The following RAPGEF4 variants were observed in gnomAD, a reference collection of about 807,000 sequenced individuals.
RAPGEF4 encodes RAP guanine-nucleotide-exchange factor (GEF) 4.
In RAPGEF4, 66 loss-of-function variants were observed where a neutral mutation model predicts 147.9. That is an observed-to-expected ratio of 0.45 (90% CI 0.37 to 0.55). The LOEUF (loss-of-function observed/expected upper bound fraction) is 0.55. Among genes scored for constraint, RAPGEF4 ranks in the 20% least tolerant of loss-of-function variants. The pLI, the probability that RAPGEF4 is intolerant of heterozygous loss-of-function variation, is 0.00. For synonymous variants in RAPGEF4, 419 were observed against 442.7 expected, an observed-to-expected ratio of 0.95 and a Z score of 0.67; for missense variants, 1,071 against 1,257.3, an observed-to-expected ratio of 0.85 and a Z score of 2.24.
rs116720978 is a variant in RAPGEF4 at position 172,923,010 on chromosome 2, A to T, written c.537+710A>T. ...GGTTGGCTTTCAGATGTGTCACCTT[A>T]TAATTGTGTCCTTTGATTGCTGTAT... On this transcript the variant is annotated intron_variant, in intron 6 of 30. Coordinates refer to ENST00000397081, the MANE Select transcript of RAPGEF4 (RefSeq NM_007023.4). 2.3e-3 allele frequency among the ~76,000 whole-genome samples: 346 copies of T among 152,324 alleles called. 2 individuals carry two copies. The highest frequency in any genetic ancestry group is 8.2e-3 in the African/African-American group (339 of 41,578).
chr2:172,993,987 A>G (rs972935702), intron 15 of RAPGEF4, among the ~76,000 whole-genome samples: 3 of 152,216 alleles, frequency 2.0e-5, no homozygotes, highest in Admixed American at 6.5e-5. Flanking sequence ...GATCTCTATT[A>G]CTTTTGACCA....
chr2:172,893,711 G>T (rs1344288426), intron 4 of RAPGEF4: 2 of 152,154 alleles, frequency 1.3e-5, no homozygotes. Context: ...AGAAGAAAGG[G>T]CTCCAGGAAT....
intron 6 of RAPGEF4, among the ~76,000 whole-genome samples, chr2:172,936,036 C>G (rs1686525443): frequency 6.6e-6 from 1 of 152,114 alleles, no homozygotes; most frequent in Admixed American, 6.5e-5. Flanking sequence ...ATGGTTATCT[C>G]TTTCTGATCA....
intron 15 of RAPGEF4, among the ~76,000 whole-genome samples, chr2:172,992,562 T>C (rs892715798): frequency 1.3e-5 from 2 of 152,248 alleles, no homozygotes; most frequent in Non-Finnish European, 2.9e-5. Flanking sequence ...CTTCATGTCA[T>C]TGGGGAATGA....
At chr2:172,756,007 C>T (rs906753464) in intron 1 of RAPGEF4, among the ~76,000 whole-genome samples, 12 of 152,168 alleles carry the variant, frequency 7.9e-5, no homozygotes, top group Non-Finnish European at 1.5e-4. Flanking sequence ...CTCGCCAGCA[C>T]TTTGTAGCCA....
At chr2:172,818,485 G>C (rs1319734879) in intron 4 of RAPGEF4, among the ~76,000 whole-genome samples, 1 of 152,158 alleles carries the variant, frequency 6.6e-6, no homozygotes, top group Non-Finnish European at 1.5e-5. Context: ...GTAAAAATTA[G>C]AGACCCTGAA....
At chr2:172,911,073 A>G (rs1336155966) in intron 4 of RAPGEF4, among the ~76,000 whole-genome samples, 7 of 152,154 alleles carry the variant, frequency 4.6e-5, no homozygotes, top group African/African-American at 1.7e-4. Context: ...CACATCCGAA[A>G]TGCACTCTGT....
At chr2:172,813,995 A>G (rs1244187093) in intron 3 of RAPGEF4, among the ~76,000 whole-genome samples, 1 of 152,226 alleles carries the variant, frequency 6.6e-6, no homozygotes, top group Non-Finnish European at 1.5e-5. Flanking sequence ...CTTCTTTTAC[A>G]TGAAGTTCTA....
intron 4 of RAPGEF4, among the ~76,000 whole-genome samples, chr2:172,837,851 A>G (rs770949388): frequency 3.3e-5 from 5 of 152,186 alleles, no homozygotes; most frequent in Non-Finnish European, 5.9e-5. Context: ...GGTGTGAGCC[A>G]CTCTGCCCAG....
At chr2:172,866,277 C>T (rs963224326) in intron 4 of RAPGEF4, among the ~76,000 whole-genome samples, 2 of 152,162 alleles carry the variant, frequency 1.3e-5, no homozygotes, top group African/African-American at 4.8e-5. Flanking sequence ...AAATTCTAAC[C>T]CAGCCACTCC....
At chr2:172,926,163 G>A (rs1347651379) in intron 6 of RAPGEF4, among the ~76,000 whole-genome samples, 1 of 152,144 alleles carries the variant, frequency 6.6e-6, no homozygotes, top group Non-Finnish European at 1.5e-5. Flanking sequence ...GGTTGTGATT[G>A]TTAAAGGAAT....
intron 8 of RAPGEF4, among the ~76,000 whole-genome samples, chr2:172,963,246 G>A (rs1250053003): frequency 2.0e-5 from 3 of 152,220 alleles, no homozygotes; most frequent in Non-Finnish European, 4.4e-5. Flanking sequence ...TGAGATTTGT[G>A]GGGGACACAA....
At chr2:173,020,287 T>C (rs1439626145) in intron 22 of RAPGEF4, among the ~76,000 whole-genome samples, 1 of 150,352 alleles carries the variant, frequency 6.7e-6, no homozygotes, top group African/African-American at 2.5e-5. Context: ...GTCCTGGGTG[T>C]GATTACCATC....
chr2:172,990,984 C>A, intron 15 of RAPGEF4, 59 bp downstream of exon 15: 1 of 1,281,374 alleles, frequency 7.8e-7, no homozygotes, highest in Non-Finnish European at 1.1e-6. Context: ...CACATGGTAT[C>A]ATCATTTCTA....
At chr2:172,986,798 A>G (rs1397596897) in intron 12 of RAPGEF4, among the ~76,000 whole-genome samples, 2 of 151,966 alleles carry the variant, frequency 1.3e-5, no homozygotes, top group East Asian at 1.9e-4. Flanking sequence ...GGTTCAAGCA[A>G]TTCTCCTGCC....
At chr2:172,990,343 C>G (rs905595636) in intron 14 of RAPGEF4, among the ~76,000 whole-genome samples, 1 of 152,268 alleles carries the variant, frequency 6.6e-6, no homozygotes, top group South Asian at 2.1e-4. Flanking sequence ...GTTTTTAACA[C>G]ATTTCAAACA....
intron 4 of RAPGEF4, among the ~76,000 whole-genome samples, chr2:172,880,188 C>G (rs1696446984): frequency 2.0e-5 from 3 of 152,196 alleles, no homozygotes; most frequent in Admixed American, 1.3e-4. Context: ...CTGTCTACCT[C>G]ACTTCCCTGA....
intron 17 of RAPGEF4, among the ~76,000 whole-genome samples, chr2:173,003,088 G>A (rs980320538): frequency 6.6e-6 from 1 of 151,690 alleles, no homozygotes; most frequent in African/African-American, 2.4e-5. Context: ...AGCGGGCCAA[G>A]GCCCGGCATC....
At chr2:172,964,717 G>A (rs553669841) in intron 8 of RAPGEF4, among the ~76,000 whole-genome samples, 1 of 152,276 alleles carries the variant, frequency 6.6e-6, no homozygotes, top group Non-Finnish European at 1.5e-5. Flanking sequence ...TTGGGATTGA[G>A]CCATCACTAG....
Sources: gnomAD v4.1 joint callset for allele counts (sites outside exome capture counted in the v4.1 genomes callset) on GRCh38, gnomAD v4.1.1 for gene constraint, MANE v1.5 for transcripts, NCBI Gene and HGNC (gene_info 2026-07-23, HGNC 2026-07-21) for gene names.